BLTP3B: variants seen among roughly 807,000 people sequenced by gnomAD.
BLTP3B encodes bridge-like lipid transfer protein family member 3B, also known as UHRF1 (ICBP90) binding protein 1-like.
At chr12:100,088,868 C>T in the BLTP3B span, 1 of 1,398,702 alleles carries the variant, frequency 7.1e-7, no homozygotes, top group Non-Finnish European at 9.4e-7. Context: ...GTTTTGTAGT[C>T]AATTCTAGAA....
At chr12:100,112,659 G>GCAAAA in the BLTP3B span, among the ~76,000 whole-genome samples, 20,461 of 151,560 alleles carry the variant, frequency 0.14, 2,471 homozygotes, top group African/African-American at 0.32. Context: ...ACATTTAAGG[G>GCAAAA]CAAAACAAAA....
the BLTP3B span, among the ~76,000 whole-genome samples, chr12:100,109,767 GAAAAA>G: frequency 9.0e-6 from 1 of 111,558 alleles, no homozygotes; most frequent in Non-Finnish European, 2.0e-5. Context: ...CCCTGTCTCA[GAAAAA>G]AAAAAAAAAA....
the BLTP3B span, among the ~76,000 whole-genome samples, chr12:100,041,419 G>A: frequency 6.8e-6 from 1 of 146,106 alleles, no homozygotes; most frequent in African/African-American, 2.6e-5. Context: ...AAGGCTGTCT[G>A]CTATTGTTAC....
At chr12:100,094,335 T>C in the BLTP3B span, among the ~76,000 whole-genome samples, 1 of 152,102 alleles carries the variant, frequency 6.6e-6, no homozygotes, top group African/African-American at 2.4e-5. Flanking sequence ...GGTCCTGAAT[T>C]ATTGGCCTCT....
chr12:100,046,750 C>T, the BLTP3B span, among the ~76,000 whole-genome samples: 1 of 151,784 alleles, frequency 6.6e-6, no homozygotes, highest in South Asian at 2.1e-4. Flanking sequence ...GGAAGTGTCA[C>T]TATAAAGAAG....
the BLTP3B span, among the ~76,000 whole-genome samples, chr12:100,121,847 A>C: frequency 6.6e-6 from 1 of 152,340 alleles, no homozygotes; most frequent in Admixed American, 6.5e-5. Flanking sequence ...AAAAGTCATC[A>C]AATTGTACAC....
At chr12:100,043,981 T>C in the BLTP3B span, among the ~76,000 whole-genome samples, 1 of 152,200 alleles carries the variant, frequency 6.6e-6, no homozygotes, top group African/African-American at 2.4e-5. Context: ...ATGATTTATC[T>C]GATTGACTTT....
At chr12:100,048,728 A>AGGGGG in the BLTP3B span, among the ~76,000 whole-genome samples, 6 of 100,558 alleles carry the variant, frequency 6.0e-5, no homozygotes, top group African/African-American at 2.7e-4. Flanking sequence ...AATTATAGTA[A>AGGGGG]GGGGGGGGAG....
the BLTP3B span, among the ~76,000 whole-genome samples, chr12:100,076,002 T>C: frequency 6.6e-6 from 1 of 151,962 alleles, no homozygotes; most frequent in Non-Finnish European, 1.5e-5. Flanking sequence ...ACCTGTTGGG[T>C]ACTATGCTGA....
chr12:100,064,480 T>C, the BLTP3B span, among the ~76,000 whole-genome samples: 77 of 152,288 alleles, frequency 5.1e-4, no homozygotes, highest in Non-Finnish European at 8.5e-4. Flanking sequence ...CCTAGGCTCA[T>C]TGTCATCAGG....
chr12:100,129,253 A>C, the BLTP3B span, among the ~76,000 whole-genome samples: 2 of 152,126 alleles, frequency 1.3e-5, no homozygotes, highest in African/African-American at 2.4e-5. Context: ...ATATACTCAA[A>C]AATAAATTGG....
At chr12:100,132,591 T>G in the BLTP3B span, among the ~76,000 whole-genome samples, 1 of 152,222 alleles carries the variant, frequency 6.6e-6, no homozygotes, top group Non-Finnish European at 1.5e-5. Context: ...GCCAGCACCA[T>G]GCCCTTGAAC....
chr12:100,045,555 T>C, the BLTP3B span, among the ~76,000 whole-genome samples: 2 of 152,190 alleles, frequency 1.3e-5, no homozygotes, highest in African/African-American at 4.8e-5. Flanking sequence ...ATCCCTTCCT[T>C]ACCCCTTACA....
the BLTP3B span, among the ~76,000 whole-genome samples, chr12:100,085,357 A>C: frequency 6.6e-6 from 1 of 152,094 alleles, no homozygotes; most frequent in Non-Finnish European, 1.5e-5. Context: ...AAAAAAAAAA[A>C]AGAAAATTTA....
the BLTP3B span, among the ~76,000 whole-genome samples, chr12:100,073,418 T>G: frequency 6.6e-6 from 1 of 151,246 alleles, no homozygotes; most frequent in African/African-American, 2.4e-5. Flanking sequence ...CAGGCTGGTC[T>G]CAAACTCCTG....
chr12:100,038,742 T>C, the BLTP3B span, among the ~76,000 whole-genome samples: 1 of 152,206 alleles, frequency 6.6e-6, no homozygotes, highest in Non-Finnish European at 1.5e-5. Context: ...GGAATGGCTA[T>C]ATTAGAGCAA....
chr12:100,048,074 G>A, the BLTP3B span: 1 of 1,613,130 alleles, frequency 6.2e-7, no homozygotes, highest in Non-Finnish European at 8.5e-7. Context: ...TTTTCTATGT[G>A]GCACTGCAGA....
chr12:100,142,307 A>ACGCCGCGCCGGGAGCGATCCCAGCC, the BLTP3B span, among the ~76,000 whole-genome samples: 10 of 152,226 alleles, frequency 6.6e-5, no homozygotes, highest in African/African-American at 2.4e-4. Flanking sequence ...ACGCCCCCAG[A>ACGCCGCGCCGGGAGCGATCCCAGCC]CGCCGCGCCG....
At chr12:100,057,817 G>C in the BLTP3B span, 1 of 1,421,068 alleles carries the variant, frequency 7.0e-7, no homozygotes, top group African/African-American at 1.5e-5. Context: ...ACTTCTAAGA[G>C]AATTAAAATA....
Sources: allele counts gnomAD v4.1 joint callset (sites outside exome capture counted in the v4.1 genomes callset), GRCh38; gene constraint gnomAD v4.1.1; transcripts MANE v1.5; gene names NCBI Gene and HGNC (gene_info 2026-07-23, HGNC 2026-07-21).